The following DENND2B variants were observed in gnomAD, a reference collection of about 807,000 sequenced individuals.
The protein encoded by DENND2B is DENN domain-containing protein 2B.
DENND2B carries 32 observed loss-of-function variants against 116.0 expected under a neutral mutation model. That is an observed-to-expected ratio of 0.28 (90% CI 0.21 to 0.37). DENND2B has a LOEUF of 0.37. Among genes scored for constraint, DENND2B ranks in the 10% least tolerant of loss-of-function variants. DENND2B has a pLI of 1.00. For synonymous variants in DENND2B, 588 were observed against 583.9 expected (o/e 1.01, Z -0.10); for missense variants, 1,276 against 1,477.7 (o/e 0.86, Z 2.24).
At chr11:8,756,949 T>C (rs893912629) in intron 1 of DENND2B, 2 of 450,182 alleles carry the variant, frequency 4.4e-6, no homozygotes, top group African/African-American at 4.0e-5. Flanking sequence ...AATTAGCATA[T>C]ACCATCCATC....
intron 2 of DENND2B, among the ~76,000 whole-genome samples, chr11:8,734,721 G>A (rs191633389): frequency 5.3e-5 from 8 of 151,076 alleles, no homozygotes; most frequent in Admixed American, 2.6e-4. Flanking sequence ...CCCAGGAGGC[G>A]GAGGTTGCAG....
At chr11:8,886,904 C>CT (rs1192485014) in intron 1 of DENND2B, among the ~76,000 whole-genome samples, 3 of 152,152 alleles carry the variant, frequency 2.0e-5, no homozygotes, top group African/African-American at 7.2e-5. Flanking sequence ...TCTTGGCTCA[C>CT]TGCAACCTCC....
chr11:8,798,654 C>G (rs1347198159), intron 1 of DENND2B, among the ~76,000 whole-genome samples: 2 of 152,104 alleles, frequency 1.3e-5, no homozygotes. Context: ...GCTTTGAAAA[C>G]CCATCTGGGC....
At chr11:8,834,536 C>T (rs1418597720) in intron 4 of DENND2B, among the ~76,000 whole-genome samples, 1 of 152,172 alleles carries the variant, frequency 6.6e-6, no homozygotes, top group Non-Finnish European at 1.5e-5. Flanking sequence ...CAGTGTGACA[C>T]ACAGTGCGAA....
chr11:8,738,476 G>A (rs1592968034), intron 2 of DENND2B, among the ~76,000 whole-genome samples: 1 of 152,272 alleles, frequency 6.6e-6, no homozygotes, highest in Admixed American at 6.5e-5. Flanking sequence ...GAAAAGGTCA[G>A]AGTTTGTTCC....
chr11:8,726,685 T>C (rs906302070), intron 3 of DENND2B, among the ~76,000 whole-genome samples: 9 of 152,208 alleles, frequency 5.9e-5, no homozygotes, highest in African/African-American at 9.6e-5. Context: ...GTGATTCCAC[T>C]GGAATTGAGT....
chr11:8,844,463 C>A (rs2062735104), intron 3 of DENND2B, among the ~76,000 whole-genome samples: 1 of 152,082 alleles, frequency 6.6e-6, no homozygotes, highest in Admixed American at 6.6e-5. Context: ...CAACATTACT[C>A]TCTTAAATGA....
chr11:8,751,408 C>T (rs2052454015), intron 1 of DENND2B, among the ~76,000 whole-genome samples: 1 of 152,174 alleles, frequency 6.6e-6, no homozygotes, highest in Admixed American at 6.5e-5. Context: ...CCAGCAGTGG[C>T]AACCCACTCG....
chr11:8,712,530 TGG>T lies in DENND2B; in HGVS notation c.2172+19_2172+20del. On this transcript the variant is annotated intron_variant, in intron 9 of 19. Transcript: ENST00000313726. This position sits in a 1 kb window ranked among gnomAD's most constrained non-coding sequence, Gnocchi z 4.4. The stretch of plus-strand genomic sequence containing the variant: ...TGGAAGAGGGGGAATATGGGCAAGG[TGG>T]GGAGAGAGAAGGCCTCACCTTGGGA... The T allele has an allele frequency of 6.5e-7, 1 of 1,545,794 alleles. No individual in the cohort carries two copies. The highest frequency in any genetic ancestry group is 8.7e-7 in the Non-Finnish European group (1 of 1,142,934).
At chr11:8,855,907 G>C (rs1239870620) in intron 3 of DENND2B, among the ~76,000 whole-genome samples, 2 of 152,158 alleles carry the variant, frequency 1.3e-5, no homozygotes, top group Admixed American at 6.5e-5. Flanking sequence ...CAGCAAACTA[G>C]ACAGCTGCCA....
intron 1 of DENND2B, among the ~76,000 whole-genome samples, chr11:8,903,763 C>T (rs1047934027): frequency 2.0e-5 from 3 of 151,692 alleles, no homozygotes; most frequent in African/African-American, 7.3e-5. Flanking sequence ...GTGATGCATG[C>T]CTGTAGTCCC....
At chr11:8,743,597 AACAG>A (rs1277149379) in intron 2 of DENND2B, among the ~76,000 whole-genome samples, 15 of 152,054 alleles carry the variant, frequency 9.9e-5, no homozygotes, top group Non-Finnish European at 1.5e-4. Context: ...TGCCTCATAG[AACAG>A]ACAGACAGAC....
At chr11:8,814,331 C>T (rs2061497766), upstream of DENND2B, among the ~76,000 whole-genome samples, 1 of 139,994 alleles carries the variant, frequency 7.1e-6, no homozygotes. Flanking sequence ...TCATTGACTT[C>T]CCACTACACT....
intron 4 of DENND2B, among the ~76,000 whole-genome samples, chr11:8,824,812 C>T (rs1283289385): frequency 1.3e-5 from 2 of 151,014 alleles, no homozygotes; most frequent in African/African-American, 2.4e-5. Flanking sequence ...CCTCAGCCTC[C>T]GAGTAGCTAG....
chr11:8,790,213 A>G (rs956421307), intron 1 of DENND2B, among the ~76,000 whole-genome samples: 3 of 152,028 alleles, frequency 2.0e-5, no homozygotes, highest in Non-Finnish European at 2.9e-5. Flanking sequence ...TACCAGCACC[A>G]TTTCCTCTGT....
chr11:8,770,957 T>C (rs1002880943), intron 1 of DENND2B, among the ~76,000 whole-genome samples: 2 of 152,224 alleles, frequency 1.3e-5, no homozygotes, highest in South Asian at 2.1e-4. Flanking sequence ...GCCTCTCTGA[T>C]AGCACTTATG....
rs146505377 is a variant in DENND2B, at chr11:8,733,523, T to A, written c.81-2314A>T. 2.6e-3 allele frequency among the ~76,000 whole-genome samples: 390 copies of A among 152,376 alleles called. 3 individuals carry two copies. The highest frequency in any genetic ancestry group is 8.9e-3 in the African/African-American group (372 of 41,602). On this transcript the variant is annotated intron_variant, in intron 2 of 19. Transcript: ENST00000313726. ...TGTCCTCGTGAAGCTTATATTCTAC[T>A]GGGAGATGGCAGGCACCTAATGAGA...
Position 8,712,789 on chromosome 11 carries a change from C to T in DENND2B, c.1988-54G>A. 1.3e-6 allele frequency: 2 copies of T among 1,539,380 alleles called. No individual in the cohort carries two copies. Among genetic ancestry groups the T allele is most frequent in the Non-Finnish European group, 1.7e-6 (2 of 1,142,932 alleles). On this transcript the variant is annotated intron_variant, in intron 8 of 19. Coordinates refer to ENST00000313726, the MANE Select transcript of DENND2B (RefSeq NM_213618.2). This position sits in a 1 kb window ranked among gnomAD's most constrained non-coding sequence, Gnocchi z 4.4. ...GACCCTCACAGGCCTCATGTTAACT[C>T]CTCTACCCCTGGCTCAGGGCTCCAT...
At chr11:8,827,553 T>C (rs1045344203) in intron 4 of DENND2B, among the ~76,000 whole-genome samples, 1 of 152,110 alleles carries the variant, frequency 6.6e-6, no homozygotes, top group African/African-American at 2.4e-5. Flanking sequence ...CTGGGAAAAT[T>C]TGGCAAGATG....
Sources: allele counts gnomAD v4.1 joint callset (sites outside exome capture counted in the v4.1 genomes callset), GRCh38; gene constraint gnomAD v4.1.1; non-coding constraint Gnocchi (gnomAD v3.1); transcripts MANE v1.5; gene names NCBI Gene and HGNC (gene_info 2026-07-23, HGNC 2026-07-21).